Variants in LRP1B observed in about 807,000 individuals in gnomAD.
LRP1B encodes the protein low-density lipoprotein receptor-related protein 1B.
Under a neutral mutation model 556.6 loss-of-function variants are expected in LRP1B, and 217 were observed. The observed-to-expected ratio is 0.39, with a 90% CI of 0.35 to 0.44. The LOEUF is 0.44. Ranked by LOEUF, LRP1B falls within the 20% of genes least tolerant of loss-of-function variation. The pLI is 1.00. For missense variants in LRP1B, 5,053 were observed against 5,620.8 expected (o/e 0.90, Z 3.23); for synonymous variants, 2,047 against 1,865.8 (o/e 1.10, Z -2.50).
At chr2:141,527,167 CT>C (rs1300435555) in intron 2 of LRP1B, among the ~76,000 whole-genome samples, 1 of 151,924 alleles carries the variant, frequency 6.6e-6, no homozygotes, top group Non-Finnish European at 1.5e-5. Flanking sequence ...AAGCTCATTG[CT>C]TTTTTCCAGG....
chr2:140,612,591 C>T (rs531021), intron 41 of LRP1B, among the ~76,000 whole-genome samples: 66,994 of 151,752 alleles, frequency 0.44, 15,250 homozygotes, highest in African/African-American at 0.54. Context: ...CCTCTCTCAT[C>T]TCCTACCTTT....
intron 84 of LRP1B, among the ~76,000 whole-genome samples, chr2:140,278,685 C>A (rs528584546): frequency 6.6e-6 from 1 of 152,126 alleles, no homozygotes; most frequent in East Asian, 1.9e-4. Context: ...TTAGAATTTA[C>A]ACTTTAATAA....
In LRP1B at chr2:140,526,058, A is replaced by G. The variant is rs923447846; in HGVS notation, c.7877-65T>C. ...TTCAAAGATTATGAGCCTTCTATGT[A>G]GGTCATAGAGATGAGAAAAGTTAAC... On this transcript the variant is annotated intron_variant, in intron 48 of 90. Transcript: ENST00000389484. 23 of 1,511,024 alleles carry G rather than the reference A, an allele frequency of 1.5e-5. No homozygotes were observed. In the African/African-American group the frequency reaches 2.6e-4, roughly 17 times the overall value. The allele number at this position is 1,511,024 out of a possible 1,614,324, so 93.6% of individuals were successfully genotyped here. A position where few individuals can be genotyped will look rare whatever the true frequency, so the allele number is the denominator to read the frequency against.
intron 35 of LRP1B, among the ~76,000 whole-genome samples, chr2:140,743,104 T>C (rs1018544895): frequency 6.6e-6 from 1 of 152,228 alleles, no homozygotes; most frequent in South Asian, 2.1e-4. Context: ...AATAACCTTG[T>C]ATTTCCATAT....
chr2:140,654,083 T>C (rs1327607246), intron 41 of LRP1B, among the ~76,000 whole-genome samples: 1 of 142,218 alleles, frequency 7.0e-6, no homozygotes, highest in African/African-American at 2.6e-5. Flanking sequence ...TGGGGAATAG[T>C]AATGTGGACA....
intron 3 of LRP1B, among the ~76,000 whole-genome samples, chr2:141,335,634 A>G (rs898970126): frequency 2.6e-4 from 40 of 152,190 alleles, no homozygotes; most frequent in African/African-American, 9.4e-4. Context: ...AATAATATAT[A>G]AATACATAAA....
At chr2:140,800,838 T>C (rs2105008010) in intron 32 of LRP1B, among the ~76,000 whole-genome samples, 1 of 152,330 alleles carries the variant, frequency 6.6e-6, no homozygotes, top group East Asian at 1.9e-4. Flanking sequence ...CCAGAAATGA[T>C]TGGCTATATT....
At chr2:140,710,332 G>A (rs948721322) in intron 37 of LRP1B, among the ~76,000 whole-genome samples, 1 of 151,930 alleles carries the variant, frequency 6.6e-6, no homozygotes, top group Non-Finnish European at 1.5e-5. Flanking sequence ...CCTCTTTTGT[G>A]ACAACAGGAA....
rs902152171 is a variant in LRP1B at position 141,864,214 on chromosome 2, G to A, written c.83-53813C>T. Among the ~76,000 whole-genome samples the A allele has an allele frequency of 3.3e-5, 5 of 152,144 alleles. No homozygotes were observed. In the South Asian group the frequency reaches 8.3e-4, roughly 25 times the overall value. On this transcript the variant is annotated intron_variant, in intron 1 of 90. Transcript: ENST00000389484. ...TAATGAGGTTAGCAGGGCTGTTTGT[G>A]CTGAAGAATCAAATTACATTTTAAT...
intron 3 of LRP1B, among the ~76,000 whole-genome samples, chr2:141,318,252 A>C (rs1280239915): frequency 6.6e-6 from 1 of 152,150 alleles, no homozygotes; most frequent in Admixed American, 6.5e-5. Flanking sequence ...TGTCTCAATC[A>C]AGCTTTGCTC....
At chr2:141,189,422 T>C (rs996489617) in intron 6 of LRP1B, among the ~76,000 whole-genome samples, 3 of 152,012 alleles carry the variant, frequency 2.0e-5, no homozygotes, top group Non-Finnish European at 4.4e-5. Context: ...CAAAGAACAA[T>C]GTATAGCCAA....
At chr2:141,550,570 C>G (rs912611982) in intron 2 of LRP1B, among the ~76,000 whole-genome samples, 1 of 152,082 alleles carries the variant, frequency 6.6e-6, no homozygotes. Flanking sequence ...TCTGCGTTAT[C>G]CAAAGGCTTC....
intron 1 of LRP1B, among the ~76,000 whole-genome samples, chr2:142,012,197 C>A (rs1229257833): frequency 6.6e-6 from 1 of 151,964 alleles, no homozygotes; most frequent in Non-Finnish European, 1.5e-5. Context: ...TATTTATTTT[C>A]ACATTTTAGT....
At chr2:140,442,715 A>G in intron 65 of LRP1B, 92 bp from the exon 66 acceptor site, 1 of 1,282,234 alleles carries the variant, frequency 7.8e-7, no homozygotes, top group Middle Eastern at 1.9e-4. Context: ...AAGACAGTTT[A>G]TCGAAAAATG....
At chr2:140,683,753 C>CAA (rs1685946550) in intron 41 of LRP1B, 1 of 965,194 alleles carries the variant, frequency 1.0e-6, no homozygotes, top group Non-Finnish European at 1.6e-6. Context: ...ATAGCCTTCT[C>CAA]AGTCTCTCTC....
At chr2:141,934,933 A>T (rs960057896) in intron 1 of LRP1B, among the ~76,000 whole-genome samples, 1 of 152,186 alleles carries the variant, frequency 6.6e-6, no homozygotes, top group Non-Finnish European at 1.5e-5. Flanking sequence ...AGATAGAAAG[A>T]TCACATAGTT....
chr2:140,839,976 A>C lies in LRP1B; in HGVS notation c.5209+15T>G, dbSNP rs769637671. ...TCACATTGAAAACTTGGTGACTATTAAAAAAAATACTTACCAACTGGCTCC... is the reference window on the plus strand; with the variant it reads ...TCACATTGAAAACTTGGTGACTATTCAAAAAAATACTTACCAACTGGCTCC... On this transcript the variant is annotated intron_variant, in intron 31 of 90. Coordinates refer to ENST00000389484, the MANE Select transcript of LRP1B (RefSeq NM_018557.3). 4.7e-6 allele frequency: 7 copies of C among 1,498,972 alleles called. No homozygotes were observed. The highest frequency in any genetic ancestry group is 5.5e-6 in the Non-Finnish European group (6 of 1,088,062). 92.9% of individuals were successfully genotyped at this position (1,498,972 alleles called of 1,614,324 possible).
chr2:141,947,134 A>G (rs1275539453), intron 1 of LRP1B, among the ~76,000 whole-genome samples: 1 of 152,058 alleles, frequency 6.6e-6, no homozygotes, highest in Non-Finnish European at 1.5e-5. Flanking sequence ...ATATATTTTT[A>G]AAAAAGGTAA....
chr2:140,853,642 C>T (rs1481442308), intron 27 of LRP1B, among the ~76,000 whole-genome samples: 1 of 151,948 alleles, frequency 6.6e-6, no homozygotes, highest in African/African-American at 2.4e-5. Context: ...ACATTCCTTA[C>T]ATCAAGATGA....
Sources: gnomAD v4.1 joint callset for allele counts (sites outside exome capture counted in the v4.1 genomes callset) on GRCh38, gnomAD v4.1.1 for gene constraint, MANE v1.5 for transcripts, NCBI Gene and HGNC (gene_info 2026-07-23, HGNC 2026-07-21) for gene names.